The following FOXP1 variants were observed in gnomAD, a reference collection of about 807,000 sequenced individuals.
The protein encoded by FOXP1 is forkhead box P1.
A neutral mutation model predicts 98.2 loss-of-function variants in FOXP1; 15 were observed. The observed-to-expected ratio is 0.15, with a 90% confidence interval of 0.10 to 0.24. The LOEUF is 0.24. Among genes scored for constraint, FOXP1 ranks in the 10% least tolerant of loss-of-function variants. FOXP1 has a pLI of 1.00. For missense variants in FOXP1, 633 were observed against 848.5 expected (o/e 0.75, Z 3.15); for synonymous variants, 371 against 314.5 (o/e 1.18, Z -1.90).
chr3:71,560,031 A>T (rs2046419378), intron 2 of FOXP1, among the ~76,000 whole-genome samples: 2 of 152,172 alleles, frequency 1.3e-5, no homozygotes, highest in Non-Finnish European at 2.9e-5. Flanking sequence ...AATGAAGGAG[A>T]CAATGAGAAA....
intron 6 of FOXP1, among the ~76,000 whole-genome samples, chr3:71,135,269 A>AC (rs2059767144): frequency 6.6e-6 from 1 of 151,794 alleles, no homozygotes; most frequent in Non-Finnish European, 1.5e-5. Context: ...AAAAAAAAAA[A>AC]AAAAAAAAAG....
At chr3:71,516,734 T>C (rs995698201) in intron 2 of FOXP1, among the ~76,000 whole-genome samples, 2 of 152,062 alleles carry the variant, frequency 1.3e-5, no homozygotes, top group Non-Finnish European at 2.9e-5. Context: ...CAATCCCAGC[T>C]ACTTGGGAGG....
At chr3:71,155,850 A>G (rs1030345732) in intron 6 of FOXP1, among the ~76,000 whole-genome samples, 1 of 152,218 alleles carries the variant, frequency 6.6e-6, no homozygotes, top group Non-Finnish European at 1.5e-5. Context: ...AAAACTCCAC[A>G]TGTGAAACAG....
At chr3:71,077,369 C>T (rs2053906506) in intron 7 of FOXP1, among the ~76,000 whole-genome samples, 1 of 152,166 alleles carries the variant, frequency 6.6e-6, no homozygotes, top group Admixed American at 6.5e-5. Flanking sequence ...TTTTTATTTA[C>T]TTGTTCCTTA....
intron 2 of FOXP1, among the ~76,000 whole-genome samples, chr3:71,575,621 G>A (rs2047668197): frequency 6.6e-6 from 1 of 152,194 alleles, no homozygotes; most frequent in African/African-American, 2.4e-5. Flanking sequence ...CTGGTCATCA[G>A]GAGGTAGGCA....
chr3:70,971,985 A>G, intron 18 of FOXP1: 1 of 1,357,220 alleles, frequency 7.4e-7, no homozygotes, highest in Non-Finnish European at 9.5e-7. Flanking sequence ...CAGAAAAAAA[A>G]AACAAAAGCA....
intron 4 of FOXP1, among the ~76,000 whole-genome samples, chr3:71,331,633 A>G (rs1157547345): frequency 6.6e-6 from 1 of 152,120 alleles, no homozygotes; most frequent in African/African-American, 2.4e-5. Flanking sequence ...AGCACTCTGT[A>G]TCTAGCTCAA....
In FOXP1 at chr3:71,052,603, T is replaced by C. The variant is rs763673991; in HGVS notation, c.444A>G (p.Lys148=). 6.3e-5 allele frequency: 87 copies of C among 1,379,816 alleles called. No homozygotes were observed. The highest frequency in any genetic ancestry group is 8.3e-5 in the Non-Finnish European group (80 of 965,810). 85.5% of individuals were successfully genotyped at this position (1,379,816 alleles called of 1,614,324 possible). The change falls in exon 9 of 21, where the codon AAA becomes AAG. Residue 148 remains lysine, a synonymous_variant. Transcript: ENST00000649528. ...GAAGCTGCAACTGTTCCTGTTGTTTTTTATAAAACTCTTGAAGCTGCTGCT... is the reference window on the plus strand; with the variant it reads ...GAAGCTGCAACTGTTCCTGTTGTTTCTTATAAAACTCTTGAAGCTGCTGCT... ...LQQQQLQEFY[K]KQQEQLQLQL...
intron 6 of FOXP1, among the ~76,000 whole-genome samples, chr3:71,116,874 GT>G (rs2058411460): frequency 6.6e-6 from 1 of 152,138 alleles, no homozygotes; most frequent in Admixed American, 6.6e-5. Context: ...TCTATGATTT[GT>G]AAAAAGTAAA....
At chr3:71,557,963 T>C (rs142259296) in intron 2 of FOXP1, among the ~76,000 whole-genome samples, 1 of 152,266 alleles carries the variant, frequency 6.6e-6, no homozygotes, top group African/African-American at 2.4e-5. Context: ...ATTATAGGCA[T>C]GAGCCACCAC....
chr3:71,074,466 A>C (rs960685058), intron 7 of FOXP1, among the ~76,000 whole-genome samples: 8 of 152,134 alleles, frequency 5.3e-5, no homozygotes, highest in Non-Finnish European at 1.2e-4. Context: ...ATCTCAGGTG[A>C]TTCACCCACA....
intron 7 of FOXP1, among the ~76,000 whole-genome samples, chr3:71,071,572 A>G (rs909427700): frequency 1.2e-4 from 18 of 152,084 alleles, no homozygotes; most frequent in African/African-American, 4.3e-4. Context: ...ATCTCTCTAT[A>G]ATTTCTTTTT....
At chr3:71,330,663 C>G (rs568019466) in intron 4 of FOXP1, among the ~76,000 whole-genome samples, 1 of 152,112 alleles carries the variant, frequency 6.6e-6, no homozygotes, top group East Asian at 1.9e-4. Flanking sequence ...AGTAGATTGC[C>G]TTAATAAATT....
At chr3:71,524,683 G>T (rs1276457769) in intron 2 of FOXP1, among the ~76,000 whole-genome samples, 4 of 152,086 alleles carry the variant, frequency 2.6e-5, no homozygotes, top group Non-Finnish European at 4.4e-5. Context: ...AGGCTAGGAA[G>T]ACAATTTTCA....
chr3:71,345,141 G>A (rs758327515), intron 4 of FOXP1, among the ~76,000 whole-genome samples: 8 of 152,126 alleles, frequency 5.3e-5, no homozygotes, highest in Non-Finnish European at 8.8e-5. Flanking sequence ...TGTAATCCCA[G>A]CACTTTGGGA....
intron 5 of FOXP1, among the ~76,000 whole-genome samples, chr3:71,228,936 G>C (rs899436730): frequency 6.7e-6 from 1 of 149,832 alleles, no homozygotes; most frequent in African/African-American, 2.5e-5. Flanking sequence ...CTCTAAGAGG[G>C]TTTCCTAGTA....
At chr3:71,523,790 G>A (rs1175034507) in intron 2 of FOXP1, among the ~76,000 whole-genome samples, 1 of 152,098 alleles carries the variant, frequency 6.6e-6, no homozygotes, top group Non-Finnish European at 1.5e-5. Flanking sequence ...GCCCTAAAAT[G>A]AATTCAGATG....
At chr3:71,248,953 G>A (rs1391129117) in intron 5 of FOXP1, among the ~76,000 whole-genome samples, 7 of 152,162 alleles carry the variant, frequency 4.6e-5, no homozygotes, top group African/African-American at 1.2e-4. Context: ...GGGTAGGAAG[G>A]AGAAAGAGCT....
intron 3 of FOXP1, among the ~76,000 whole-genome samples, chr3:71,419,299 G>A (rs1461658751): frequency 7.2e-6 from 1 of 138,662 alleles, no homozygotes; most frequent in Non-Finnish European, 1.5e-5. Flanking sequence ...AGAAAACACA[G>A]CATCTATTCA....
Sources: gnomAD v4.1 joint callset for allele counts (sites outside exome capture counted in the v4.1 genomes callset) on GRCh38, gnomAD v4.1.1 for gene constraint, MANE v1.5 for transcripts, NCBI Gene and HGNC (gene_info 2026-07-23, HGNC 2026-07-21) for gene names.